The following RCAN2 variants were observed in gnomAD, a reference collection of about 807,000 sequenced individuals.
RCAN2 encodes the protein calcipressin-2.
Under a neutral mutation model 23.6 loss-of-function variants are expected in RCAN2, and 9 were observed. That is an observed-to-expected ratio of 0.38 (90% CI 0.23 to 0.67). RCAN2 has a LOEUF of 0.67. Among genes scored for constraint, RCAN2 ranks in the 30% least tolerant of loss-of-function variants. The pLI, the probability that RCAN2 is intolerant of heterozygous loss-of-function variation, is 0.51. For missense variants in RCAN2, 273 were observed against 302.3 expected (o/e 0.90, Z 0.72); for synonymous variants, 109 against 115.7 (o/e 0.94, Z 0.37).
chr6:46,263,539 A>G (rs2584082), intron 2 of RCAN2, among the ~76,000 whole-genome samples: 25,979 of 81,046 alleles, frequency 0.32, 3,970 homozygotes, highest in African/African-American at 0.48. Context: ...GTGTGTGTGT[A>G]TGTGTGTGTG....
At chr6:46,437,679 A>C (rs985614902) in intron 2 of RCAN2, among the ~76,000 whole-genome samples, 4 of 152,206 alleles carry the variant, frequency 2.6e-5, no homozygotes, top group African/African-American at 9.7e-5. Flanking sequence ...TAAAATTCTA[A>C]AAAGTATGCC....
chr6:46,449,601 C>G (rs1767815847), intron 2 of RCAN2, among the ~76,000 whole-genome samples: 1 of 151,484 alleles, frequency 6.6e-6, no homozygotes, highest in Admixed American at 6.6e-5. Flanking sequence ...ATCAAAACAG[C>G]ATGGTACTAA....
chr6:46,441,558 T>A (rs1450487121), intron 2 of RCAN2, among the ~76,000 whole-genome samples: 1 of 152,174 alleles, frequency 6.6e-6, no homozygotes. Context: ...GGGGGAAAGG[T>A]AGGTTTTGAA....
At chr6:46,468,437 G>A (rs1440126806) in intron 1 of RCAN2, among the ~76,000 whole-genome samples, 1 of 152,044 alleles carries the variant, frequency 6.6e-6, no homozygotes, top group African/African-American at 2.4e-5. Context: ...CCCTGTCAGG[G>A]CTTACCAGAG....
At chr6:46,307,800 T>C (rs1036259815) in intron 2 of RCAN2, among the ~76,000 whole-genome samples, 1 of 152,146 alleles carries the variant, frequency 6.6e-6, no homozygotes, top group Admixed American at 6.5e-5. Flanking sequence ...TGGGTTTGAA[T>C]TACCACCTCT....
At chr6:46,289,829 A>T (rs980656302) in intron 2 of RCAN2, among the ~76,000 whole-genome samples, 3 of 152,228 alleles carry the variant, frequency 2.0e-5, no homozygotes, top group Admixed American at 2.0e-4. Context: ...ACAGCTGCTC[A>T]TCTAGAGACT....
intron 2 of RCAN2, among the ~76,000 whole-genome samples, chr6:46,441,466 A>C (rs1300106590): frequency 1.3e-5 from 2 of 152,226 alleles, no homozygotes; most frequent in African/African-American, 4.8e-5. Flanking sequence ...AGACTAGACC[A>C]TCATATGACA....
chr6:46,412,659 C>T (rs1027918051), intron 2 of RCAN2, among the ~76,000 whole-genome samples: 5 of 152,116 alleles, frequency 3.3e-5, no homozygotes, highest in African/African-American at 9.7e-5. Context: ...TTTCATCAAG[C>T]GTTCTTGAGA....
intron 2 of RCAN2, among the ~76,000 whole-genome samples, chr6:46,310,112 C>G (rs1233404600): frequency 6.6e-6 from 1 of 152,046 alleles, no homozygotes; most frequent in African/African-American, 2.4e-5. Context: ...CCAATTCATA[C>G]CCGGTTCTTA....
At chr6:46,332,863 A>G (rs1764025088) in intron 2 of RCAN2, among the ~76,000 whole-genome samples, 1 of 152,224 alleles carries the variant, frequency 6.6e-6, no homozygotes, top group Non-Finnish European at 1.5e-5. Flanking sequence ...TTCTAGTTCT[A>G]GATCCCTGAG....
intron 4 of RCAN2, among the ~76,000 whole-genome samples, chr6:46,245,806 G>T (rs948252531): frequency 6.6e-6 from 1 of 152,068 alleles, no homozygotes; most frequent in African/African-American, 2.4e-5. Flanking sequence ...TATTTTTAAA[G>T]CTCCTTCCTA....
intron 2 of RCAN2, among the ~76,000 whole-genome samples, chr6:46,428,002 G>A (rs761921470): frequency 1.1e-4 from 17 of 151,782 alleles, no homozygotes; most frequent in Non-Finnish European, 2.2e-4. Context: ...GAATCTGTGA[G>A]GGCTAAGCTA....
chr6:46,458,931 G>T (rs1163484445), intron 1 of RCAN2, among the ~76,000 whole-genome samples: 3 of 152,142 alleles, frequency 2.0e-5, no homozygotes. Flanking sequence ...TGCTCTTGTC[G>T]CCCAGGCTGG....
chr6:46,459,821 TAAAA>T (rs1768158996), intron 1 of RCAN2, among the ~76,000 whole-genome samples: 2 of 152,030 alleles, frequency 1.3e-5, no homozygotes, highest in Non-Finnish European at 2.9e-5. Context: ...AACCACTACA[TAAAA>T]GAATATGTAA....
At chr6:46,279,096 G>T (rs1767813341) in intron 2 of RCAN2, among the ~76,000 whole-genome samples, 1 of 152,134 alleles carries the variant, frequency 6.6e-6, no homozygotes, top group African/African-American at 2.4e-5. Flanking sequence ...CCTTGAATAG[G>T]TACTAAATTT....
intron 2 of RCAN2, among the ~76,000 whole-genome samples, chr6:46,351,139 A>ACTTTC: frequency 6.6e-6 from 1 of 152,226 alleles, no homozygotes; most frequent in East Asian, 1.9e-4. Context: ...AGGTCAAATA[A>ACTTTC]CTTTCCTAGA....
chr6:46,276,411 G>C (rs1450736911), intron 2 of RCAN2, among the ~76,000 whole-genome samples: 1 of 152,152 alleles, frequency 6.6e-6, no homozygotes, highest in Non-Finnish European at 1.5e-5. Context: ...AACAGCAACT[G>C]TGTCCAGGAG....
intron 2 of RCAN2, among the ~76,000 whole-genome samples, chr6:46,253,053 A>G (rs747203168): frequency 3.9e-5 from 6 of 152,232 alleles, no homozygotes; most frequent in Non-Finnish European, 7.3e-5. Flanking sequence ...AATAGTGTAC[A>G]TTAATCATTT....
chr6:46,222,559 G>A lies in RCAN2; in HGVS notation c.*582C>T, dbSNP rs1018264448. The stretch of plus-strand genomic sequence containing the variant: ...TGAATATACCCAGACTTGTTGAGCT[G>A]GAATATTCTGATCATTTTCCTAATC... On this transcript the variant is annotated 3_prime_UTR_variant, in exon 5 of 5. Transcript: ENST00000371374. 6.5e-6 allele frequency: 1 copy of A among 153,266 alleles called. No individual in the cohort carries two copies. The highest frequency in any genetic ancestry group is 1.5e-5 in the Non-Finnish European group (1 of 68,558). The allele number at this position is 153,266 out of a possible 1,614,324, so 9.5% of individuals were successfully genotyped here.
Sources: gnomAD v4.1 joint callset for allele counts (sites outside exome capture counted in the v4.1 genomes callset) on GRCh38, gnomAD v4.1.1 for gene constraint, MANE v1.5 for transcripts, NCBI Gene and HGNC (gene_info 2026-07-23, HGNC 2026-07-21) for gene names.